MEGF10: variants seen among roughly 807,000 people sequenced by gnomAD.
MEGF10 encodes multiple EGF like domains 10.
MEGF10 carries 86 observed loss-of-function variants against 147.5 expected under a neutral mutation model. The observed-to-expected ratio is 0.58, with a 90% CI of 0.49 to 0.70. MEGF10 has a LOEUF of 0.70. MEGF10 is among the 30% of genes least tolerant of loss of function. The probability of loss-of-function intolerance (pLI) is 0.00; values close to 1 mark genes in which losing one functional copy is unlikely to be tolerated. For missense variants in MEGF10, 1,329 were observed against 1,487.3 expected, an observed-to-expected ratio of 0.89 and a Z score of 1.75; for synonymous variants, 478 against 525.5, an observed-to-expected ratio of 0.91 and a Z score of 1.24.
chr5:127,282,250 G>A, the MEGF10 span, among the ~76,000 whole-genome samples: 1 of 152,126 alleles, frequency 6.6e-6, no homozygotes, highest in Non-Finnish European at 1.5e-5. Flanking sequence ...CACCCATTGG[G>A]TTGATGACTC....
At position 127,290,890 on chromosome 5, in the gene MEGF10, CT is replaced by C. The variant is rs1305045255; in HGVS notation, c.-183del. 6.6e-6 allele frequency: 1 copy of C among 152,294 alleles called. No homozygotes were observed. Among genetic ancestry groups the C allele is most frequent in the African/African-American group, 2.4e-5 (1 of 41,470 alleles). The allele number at this position is 152,294 out of a possible 1,614,324, so 9.4% of individuals were successfully genotyped here. A position where few individuals can be genotyped will look rare whatever the true frequency, so the allele number is the denominator to read the frequency against. On this transcript the variant is annotated 5_prime_UTR_variant, in exon 1 of 25. Transcript: ENST00000503335. ...CGCGTTGAGACGTTCCTCTTTCCCG[CT>C]TCTCCACCTTTACGCCTGAAAGAAG...
Position 127,459,791 on chromosome 5 carries a change from T to C in MEGF10, c.*2473T>C, listed in dbSNP as rs533001288. 2.0e-5 allele frequency: 3 copies of C among 152,346 alleles called. No individual in the cohort carries two copies. The highest frequency in any genetic ancestry group is 1.9e-4 in the East Asian group (1 of 5,194). 9.4% of individuals were successfully genotyped at this position (152,346 alleles called of 1,614,324 possible). A position where few individuals can be genotyped will look rare whatever the true frequency, so the allele number is the denominator to read the frequency against. ...TCTTATTAGAGCTTACTCAGGACTT[T>C]TCAAACATCAGGACACACATAGCAA... On this transcript the variant is annotated 3_prime_UTR_variant, in exon 25 of 25. Coordinates refer to ENST00000503335, the MANE Select transcript of MEGF10 (RefSeq NM_001256545.2).
At chr5:127,295,233 T>C (rs1034862490) in intron 1 of MEGF10, among the ~76,000 whole-genome samples, 1 of 152,212 alleles carries the variant, frequency 6.6e-6, no homozygotes, top group Non-Finnish European at 1.5e-5. Context: ...GCCAAATATA[T>C]TATGAAATCT....
Position 127,309,950 on chromosome 5 carries a change from T to TTTCCTTCC in MEGF10, c.-19+18897_-19+18898insCTTCCTTC, listed in dbSNP as rs149050328. Among the ~76,000 whole-genome samples the TTTCCTTCC allele has an allele frequency of 9.8e-3, 721 of 73,728 alleles. 31 individuals are homozygous for TTTCCTTCC. The highest frequency in any genetic ancestry group is 0.036 in the African/African-American group (694 of 19,488). The allele number at this position is 73,728 out of a possible 152,430, so 48.4% of individuals were successfully genotyped here. A position where few individuals can be genotyped will look rare whatever the true frequency, so the allele number is the denominator to read the frequency against. ...AATTTTTCCACATCCTTGCCAACTC[T>TTTCCTTCC]TTCTTTCTTTCTTTCTTTCTTTCTT... On this transcript the variant is annotated intron_variant, in intron 1 of 24. Transcript: ENST00000503335.
At chr5:127,240,134 C>T in the MEGF10 span, among the ~76,000 whole-genome samples, 1 of 152,056 alleles carries the variant, frequency 6.6e-6, no homozygotes, top group Non-Finnish European at 1.5e-5. Flanking sequence ...TTATTCTTGC[C>T]CCAGTCTTCC....
At chr5:127,438,382 C>T in intron 16 of MEGF10, 57 bp from the exon 17 acceptor site, 1 of 1,588,524 alleles carries the variant, frequency 6.3e-7, no homozygotes, top group Non-Finnish European at 8.6e-7. Context: ...ATGGAATTCT[C>T]CCTACTTAGT....
At chr5:127,360,074 A>C (rs1177152612) in intron 4 of MEGF10, among the ~76,000 whole-genome samples, 1 of 152,106 alleles carries the variant, frequency 6.6e-6, no homozygotes, top group African/African-American at 2.4e-5. Context: ...CTCACTATTT[A>C]AGATAATGTG....
chr5:127,247,424 A>G, the MEGF10 span, among the ~76,000 whole-genome samples: 87 of 94,488 alleles, frequency 9.2e-4, 5 homozygotes, highest in African/African-American at 2.8e-3. Flanking sequence ...AAGAAGAAGA[A>G]GAAGAAGAAG....
chr5:127,268,648 C>A, the MEGF10 span, among the ~76,000 whole-genome samples: 1 of 152,238 alleles, frequency 6.6e-6, no homozygotes, highest in Non-Finnish European at 1.5e-5. Context: ...CCTCTGTAGA[C>A]CCCACCTCTG....
chr5:127,282,530 C>T, the MEGF10 span, among the ~76,000 whole-genome samples: 1 of 152,184 alleles, frequency 6.6e-6, no homozygotes, highest in Admixed American at 6.5e-5. Flanking sequence ...AAAGGCCTGA[C>T]CAATTCGCAG....
intron 1 of MEGF10, among the ~76,000 whole-genome samples, chr5:127,315,555 T>A (rs1164688430): frequency 6.6e-6 from 1 of 152,106 alleles, no homozygotes; most frequent in Non-Finnish European, 1.5e-5. Flanking sequence ...AGAGGTGAAT[T>A]GCTTGAGCCC....
chr5:127,364,589 A>G (rs1344756919), intron 4 of MEGF10, among the ~76,000 whole-genome samples: 1 of 152,238 alleles, frequency 6.6e-6, no homozygotes, highest in Admixed American at 6.5e-5. Context: ...AGCAAACACA[A>G]TAGGGTAGGC....
chr5:127,347,205 T>C (rs1405854274), intron 4 of MEGF10, among the ~76,000 whole-genome samples: 1 of 152,104 alleles, frequency 6.6e-6, no homozygotes, highest in East Asian at 1.9e-4. Context: ...GAAATAGTTG[T>C]AATATATGTG....
At chr5:127,350,015 A>G (rs1470584138) in intron 4 of MEGF10, among the ~76,000 whole-genome samples, 1 of 152,196 alleles carries the variant, frequency 6.6e-6, no homozygotes, top group Non-Finnish European at 1.5e-5. Context: ...TGAAAATCTT[A>G]TAAGATGTGT....
At chr5:127,341,235 T>G (rs996463614) in intron 4 of MEGF10, among the ~76,000 whole-genome samples, 2 of 152,212 alleles carry the variant, frequency 1.3e-5, no homozygotes, top group Non-Finnish European at 1.5e-5. Context: ...GAATATGAGA[T>G]GCATGTGAGA....
chr5:127,395,133 T>G (rs1312594387), intron 5 of MEGF10, among the ~76,000 whole-genome samples: 2 of 152,210 alleles, frequency 1.3e-5, no homozygotes, highest in African/African-American at 4.8e-5. Context: ...CTTCTTCAAG[T>G]GATTTTTATA....
At chr5:127,249,532 T>G in the MEGF10 span, among the ~76,000 whole-genome samples, 1 of 151,968 alleles carries the variant, frequency 6.6e-6, no homozygotes, top group Non-Finnish European at 1.5e-5. Context: ...TGCAAGATAG[T>G]AAAATTAAAG....
chr5:127,302,895 A>G (rs1230092413), intron 1 of MEGF10, among the ~76,000 whole-genome samples: 1 of 152,174 alleles, frequency 6.6e-6, no homozygotes, highest in African/African-American at 2.4e-5. Context: ...AAGAGATGGG[A>G]CATTGAAAGA....
chr5:127,390,308 G>T (rs11952986), intron 5 of MEGF10, among the ~76,000 whole-genome samples: 26,004 of 147,118 alleles, frequency 0.18, 2,389 homozygotes, highest in African/African-American at 0.25. Context: ...TTTTTTTTTT[G>T]AGACAGAATC....
Sources: allele counts gnomAD v4.1 joint callset (sites outside exome capture counted in the v4.1 genomes callset), GRCh38; gene constraint gnomAD v4.1.1; transcripts MANE v1.5; gene names NCBI Gene and HGNC (gene_info 2026-07-23, HGNC 2026-07-21).